C12orf42: variants seen among roughly 807,000 people sequenced by gnomAD.
C12orf42 encodes chromosome 12 open reading frame 42.
C12orf42 carries 25 observed loss-of-function variants against 21.6 expected under a neutral mutation model. The observed-to-expected ratio is 1.16, with a 90% CI of 0.84 to 1.62. The LOEUF is 1.62. Among genes scored for constraint, C12orf42 ranks in the 40% most tolerant of loss-of-function variants. The pLI is 0.00. For missense variants in C12orf42, 483 were observed against 459.3 expected (o/e 1.05, Z -0.47); for synonymous variants, 174 against 175.0 (o/e 0.99, Z 0.05).
chr12:103,259,818 A>G (rs2034801774), intron 10 of C12orf42, among the ~76,000 whole-genome samples: 1 of 152,180 alleles, frequency 6.6e-6, no homozygotes, highest in South Asian at 2.1e-4. Context: ...CGGACACTGT[A>G]CCAAACACCT....
In C12orf42 at chr12:103,314,590, C is replaced by T. The variant is rs189857594; in HGVS notation, c.260-8245G>A. On this transcript the variant is annotated intron_variant, in intron 4 of 5. Transcript: ENST00000548883. ...GCCTCAAGGAACTCCACCAGTTCCC[C>T]AAGGTGAAAGTCTGAAAAAGATTCC... 4.6e-5 allele frequency among the ~76,000 whole-genome samples: 7 copies of T among 152,164 alleles called. No homozygotes were observed. The East Asian group carries it at 1.2e-3, about 25-fold the overall frequency.
At chr12:103,272,428 C>T (rs2035526021) in intron 5 of C12orf42, among the ~76,000 whole-genome samples, 1 of 152,304 alleles carries the variant, frequency 6.6e-6, no homozygotes, top group African/African-American at 2.4e-5. Context: ...AAAACAATTT[C>T]ATCCTTTGAT....
At position 103,379,698 on chromosome 12, in the gene C12orf42, T is replaced by A. The variant is rs539653741; in HGVS notation, c.148-10700A>T. ...ATATTTGGATGTGTAAACATCAGAGTATTACCCTCCCTTCCATCCCAGGCT... is the reference window on the plus strand; with the variant it reads ...ATATTTGGATGTGTAAACATCAGAGAATTACCCTCCCTTCCATCCCAGGCT... On this transcript the variant is annotated intron_variant, in intron 3 of 5. Transcript: ENST00000548883. Among the ~76,000 whole-genome samples the A allele has an allele frequency of 1.4e-4, 21 of 152,298 alleles. No individual in the cohort carries two copies. The South Asian group carries it at 4.3e-3, about 32-fold the overall frequency.
intron 2 of C12orf42, among the ~76,000 whole-genome samples, chr12:103,465,446 T>C (rs1332324024): frequency 1.3e-5 from 2 of 152,190 alleles, no homozygotes; most frequent in Non-Finnish European, 2.9e-5. Flanking sequence ...TGCACATTGA[T>C]TTTGTATCCT....
rs1224312894 is a variant in C12orf42, at chr12:103,306,070, A to T, written c.535T>A (p.Ser179Thr). The T allele has an allele frequency of 8.1e-6, 13 of 1,613,916 alleles. No homozygotes were observed. The highest frequency in any genetic ancestry group is 1.0e-5 in the Non-Finnish European group (12 of 1,179,836). ...GCCTCCAGGTGAACAGGATTTACTG[A>T]GTGTGCCCAGTTAGGCTTTTTAACC... is the stretch of plus-strand genomic sequence containing the variant. ...QLVKKPNWAH[S>T]VNPVHLEAQG... The change falls in exon 5 of 6, where the codon TCA (serine) becomes ACA (threonine). Residue 179 changes from serine to threonine, a missense_variant. Physicochemically the swap from Ser to Thr is moderately conservative, Grantham distance 58. Coordinates refer to ENST00000548883, the MANE Select transcript of C12orf42 (RefSeq NM_198521.5).
At chr12:103,419,230 T>C (rs1207035959) in intron 2 of C12orf42, among the ~76,000 whole-genome samples, 1 of 152,074 alleles carries the variant, frequency 6.6e-6, no homozygotes, top group Non-Finnish European at 1.5e-5. Flanking sequence ...AGGGTTGAGA[T>C]GGCAAAGAAC....
At chr12:103,460,935 T>C (rs1222334174) in intron 2 of C12orf42, among the ~76,000 whole-genome samples, 2 of 152,182 alleles carry the variant, frequency 1.3e-5, no homozygotes, top group East Asian at 1.9e-4. Flanking sequence ...AGGAAGCGAC[T>C]ATCCATGATC....
At chr12:103,123,678 T>C in the C12orf42 span, among the ~76,000 whole-genome samples, 1 of 152,158 alleles carries the variant, frequency 6.6e-6, no homozygotes, top group Non-Finnish European at 1.5e-5. Flanking sequence ...AAACTACTTA[T>C]GGATTTCAAA....
chr12:103,254,965 T>C (rs1302143593), intron 10 of C12orf42, among the ~76,000 whole-genome samples: 1 of 152,164 alleles, frequency 6.6e-6, no homozygotes, highest in Admixed American at 6.5e-5. Flanking sequence ...CATGCATCCT[T>C]CAAAAAATAT....
At chr12:103,092,075 C>T in the C12orf42 span, among the ~76,000 whole-genome samples, 1 of 152,104 alleles carries the variant, frequency 6.6e-6, no homozygotes, top group Admixed American at 6.5e-5. Flanking sequence ...TTGCTATGTT[C>T]TTGTTTGTTA....
At chr12:103,429,022 A>G (rs908582589) in intron 2 of C12orf42, among the ~76,000 whole-genome samples, 1 of 152,182 alleles carries the variant, frequency 6.6e-6, no homozygotes, top group Admixed American at 6.5e-5. Context: ...ATATTGAATG[A>G]GCAAAAGCTA....
chr12:103,079,959 A>C, the C12orf42 span, among the ~76,000 whole-genome samples: 1 of 152,216 alleles, frequency 6.6e-6, no homozygotes. Context: ...AGTCTATTCC[A>C]TCTAGTCTGT....
At chr12:103,408,013 G>C (rs1301422439) in intron 2 of C12orf42, among the ~76,000 whole-genome samples, 1 of 152,098 alleles carries the variant, frequency 6.6e-6, no homozygotes, top group Non-Finnish European at 1.5e-5. Context: ...AGTAACAATG[G>C]CACCCCCCTC....
chr12:103,292,489 AAGAAAGAAAGG>A (rs1426874917), intron 4 of C12orf42, among the ~76,000 whole-genome samples: 1 of 152,142 alleles, frequency 6.6e-6, no homozygotes, highest in Non-Finnish European at 1.5e-5. Context: ...GAAGACCAAA[AAGAAAGAAAGG>A]AGGAAGGAAG....
intron 3 of C12orf42, among the ~76,000 whole-genome samples, chr12:103,391,345 A>G (rs1471264292): frequency 2.0e-5 from 3 of 152,196 alleles, no homozygotes; most frequent in South Asian, 2.1e-4. Context: ...AGGAAACACC[A>G]AACTGTATTA....
At chr12:103,385,462 T>A (rs1162314842) in intron 3 of C12orf42, among the ~76,000 whole-genome samples, 1 of 152,340 alleles carries the variant, frequency 6.6e-6, no homozygotes, top group East Asian at 1.9e-4. Flanking sequence ...TGATGAGTAA[T>A]GAATCCAGAT....
chr12:103,456,190 G>A (rs1189656719), intron 2 of C12orf42: 1 of 152,074 alleles, frequency 6.6e-6, no homozygotes, highest in Non-Finnish European at 1.5e-5. Context: ...CTGGGCTAAA[G>A]CATTGTAGGT....
At chr12:103,341,759 A>C (rs2042189519) in intron 4 of C12orf42, among the ~76,000 whole-genome samples, 1 of 152,228 alleles carries the variant, frequency 6.6e-6, no homozygotes, top group Non-Finnish European at 1.5e-5. Flanking sequence ...ATATAAAGAC[A>C]TAAATAGTAT....
chr12:103,130,950 C>G, the C12orf42 span, among the ~76,000 whole-genome samples: 12 of 152,322 alleles, frequency 7.9e-5, 1 homozygote, highest in South Asian at 2.3e-3. Context: ...TATACCCACA[C>G]AAACACCCTT....
Sources: gnomAD v4.1 joint callset for allele counts (sites outside exome capture counted in the v4.1 genomes callset) on GRCh38, gnomAD v4.1.1 for gene constraint, MANE v1.5 for transcripts, NCBI Gene and HGNC (gene_info 2026-07-23, HGNC 2026-07-21) for gene names.